The following TSPAN12 variants were observed in gnomAD, a reference collection of about 807,000 sequenced individuals.
The protein encoded by TSPAN12 is tetraspanin 12.
A neutral mutation model predicts 39.2 loss-of-function variants in TSPAN12; 19 were observed. That is an observed-to-expected ratio of 0.49 (90% CI 0.34 to 0.71). The LOEUF (loss-of-function observed/expected upper bound fraction) is 0.71. Ranked by LOEUF, TSPAN12 falls within the 30% of genes least tolerant of loss-of-function variation. TSPAN12 has a pLI of 0.01. For synonymous variants in TSPAN12, 119 were observed against 124.8 expected (o/e 0.95, Z 0.31); for missense variants, 314 against 359.9 (o/e 0.87, Z 1.03).
intron 7 of TSPAN12, among the ~76,000 whole-genome samples, chr7:120,798,018 C>T (rs1053852640): frequency 3.9e-5 from 6 of 152,128 alleles, no homozygotes; most frequent in Admixed American, 3.9e-4. Context: ...ATTATCATGG[C>T]TTTCACATCC....
intron 4 of TSPAN12, among the ~76,000 whole-genome samples, chr7:120,833,414 CAAAA>C (rs1051255423): frequency 7.0e-6 from 1 of 143,772 alleles, no homozygotes; most frequent in African/African-American, 2.5e-5. Context: ...AACAAACAAA[CAAAA>C]AAAAAACAAG....
intron 4 of TSPAN12, among the ~76,000 whole-genome samples, chr7:120,832,977 T>TA (rs1243093481): frequency 5.9e-5 from 9 of 152,164 alleles, no homozygotes; most frequent in African/African-American, 2.2e-4. Context: ...AAATGCCTTA[T>TA]AACAGTACTG....
At chr7:120,816,942 T>C (rs2116392465) in intron 4 of TSPAN12, among the ~76,000 whole-genome samples, 1 of 152,228 alleles carries the variant, frequency 6.6e-6, no homozygotes, top group African/African-American at 2.4e-5. Flanking sequence ...GACAAGGCAT[T>C]AGACTCATTG....
intron 4 of TSPAN12, among the ~76,000 whole-genome samples, chr7:120,836,661 C>T (rs1794482878): frequency 6.6e-6 from 1 of 152,106 alleles, no homozygotes; most frequent in Non-Finnish European, 1.5e-5. Context: ...TGGTGGTATA[C>T]ATGATCAGTA....
chr7:120,802,218 T>G (rs953000156), intron 7 of TSPAN12, among the ~76,000 whole-genome samples: 4 of 152,162 alleles, frequency 2.6e-5, no homozygotes, highest in Non-Finnish European at 5.9e-5. Flanking sequence ...GCATTTAGAG[T>G]GTGGTTACAC....
At chr7:120,800,094 A>C (rs1793736604) in intron 7 of TSPAN12, among the ~76,000 whole-genome samples, 1 of 151,992 alleles carries the variant, frequency 6.6e-6, no homozygotes. Context: ...AGAAAAAATA[A>C]TATTGGTTAT....
rs1323664873 is a variant in TSPAN12, at chr7:120,822,727, T to G, written c.286-6924A>C. ...TAGACCTCCCCCAAACACAGGCCCC[T>G]CTCTCATCCTATGCAGCAGGGTGAC... On this transcript the variant is annotated intron_variant, in intron 4 of 7. Transcript: ENST00000222747. Among the ~76,000 whole-genome samples the G allele has an allele frequency of 2.6e-5, 4 of 152,146 alleles. No individual in the cohort carries two copies. The East Asian group carries it at 7.7e-4, about 29-fold the overall frequency.
intron 4 of TSPAN12, among the ~76,000 whole-genome samples, chr7:120,820,648 G>A (rs1794172125): frequency 6.6e-6 from 1 of 152,108 alleles, no homozygotes; most frequent in South Asian, 2.1e-4. Context: ...ATAAGTCACA[G>A]TGCTCCCTCC....
Position 120,810,497 on chromosome 7 carries a change from C to T in TSPAN12, c.434G>A (p.Trp145Ter), listed in dbSNP as rs2116363345. 6.2e-7 allele frequency: 1 copy of T among 1,613,722 alleles called. No individual in the cohort carries two copies. Among genetic ancestry groups the T allele is most frequent in the South Asian group, 1.1e-5 (1 of 91,072 alleles). ...MTNYGLPRYR[W>*]LTHAWNFFQR... Reference sequence around the variant, plus strand: ...AAAAAAATTCCAAGCATGAGTAAGCCACCGATATCTAGGTAATCCATAATT... The same window carrying T: ...AAAAAAATTCCAAGCATGAGTAAGCTACCGATATCTAGGTAATCCATAATT... Residue 145 changes from tryptophan to a stop codon, truncating the protein, a stop_gained, in exon 6 of 8, where the codon TGG (tryptophan) becomes TAG (stop). Transcript: ENST00000222747. LOFTEE classifies it high-confidence loss of function.
At chr7:120,825,615 A>G (rs746510830) in intron 4 of TSPAN12, among the ~76,000 whole-genome samples, 2 of 152,174 alleles carry the variant, frequency 1.3e-5, no homozygotes, top group Non-Finnish European at 2.9e-5. Flanking sequence ...TTTCTGTGCT[A>G]AGTATCTTTA....
At chr7:120,841,946 C>A (rs908030926) in intron 2 of TSPAN12, among the ~76,000 whole-genome samples, 4 of 152,146 alleles carry the variant, frequency 2.6e-5, no homozygotes, top group African/African-American at 9.7e-5. Context: ...ATATTATTAA[C>A]CCCTAAGTTC....
At chr7:120,853,552 C>A (rs564299945) in intron 2 of TSPAN12, among the ~76,000 whole-genome samples, 1 of 145,290 alleles carries the variant, frequency 6.9e-6, no homozygotes, top group African/African-American at 2.5e-5. Context: ...ATAATATATT[C>A]GTATTTATAC....
chr7:120,817,661 C>T (rs1794110507), intron 4 of TSPAN12, among the ~76,000 whole-genome samples: 1 of 152,112 alleles, frequency 6.6e-6, no homozygotes, highest in South Asian at 2.1e-4. Flanking sequence ...TGTGTCATAC[C>T]TTGCCCAGTT....
chr7:120,807,458 C>A (rs980034225), intron 6 of TSPAN12, among the ~76,000 whole-genome samples: 2 of 152,088 alleles, frequency 1.3e-5, no homozygotes, highest in African/African-American at 4.8e-5. Context: ...AGATTAGATT[C>A]AGAACAATTA....
chr7:120,799,488 A>G (rs1301427283), intron 7 of TSPAN12, among the ~76,000 whole-genome samples: 1 of 129,302 alleles, frequency 7.7e-6, no homozygotes, highest in Admixed American at 8.8e-5. Flanking sequence ...ATAATTATAT[A>G]TAATTATTTT....
At position 120,842,526 on chromosome 7, in the gene TSPAN12, T is replaced by G. The variant is rs1794597983; in HGVS notation, c.67-2417A>C. 2.0e-5 allele frequency among the ~76,000 whole-genome samples: 3 copies of G among 147,232 alleles called. No individual in the cohort carries two copies. The South Asian group carries it at 6.5e-4, about 32-fold the overall frequency. The stretch of plus-strand genomic sequence containing the variant: ...TGAAGGTCTCTCAGATCCTGAGAGG[T>G]AAGAGCTGGGATTCAAATTCAAGCT... On this transcript the variant is annotated intron_variant, in intron 2 of 7. Coordinates refer to ENST00000222747, the MANE Select transcript of TSPAN12 (RefSeq NM_012338.4).
At chr7:120,844,046 G>A (rs780635471) in intron 2 of TSPAN12, among the ~76,000 whole-genome samples, 3 of 152,110 alleles carry the variant, frequency 2.0e-5, no homozygotes, top group Non-Finnish European at 4.4e-5. Flanking sequence ...TTTCAATCAT[G>A]GTGGGAGGGG....
chr7:120,815,835 G>A (rs1361507704), intron 4 of TSPAN12, 32 bp from the exon 5 acceptor site: 1 of 1,583,062 alleles, frequency 6.3e-7, no homozygotes, highest in Non-Finnish European at 8.6e-7. Context: ...TGCTGTTATA[G>A]TATCAGAATA....
chr7:120,806,569 G>C lies in TSPAN12; in HGVS notation c.592C>G (p.Leu198Val). ...CTCACCTCTTGATAAAGGTCACTGA[G>C]ATCTTCCTGGTGGGCCTGTTTGGAA... ...GCSKQAHQED[L>V]SDLYQEGCGK... is the part of the protein sequence containing the mutation. The change falls in exon 7 of 8, where the codon CTC (leucine) becomes GTC (valine). Residue 198 changes from leucine to valine, a missense_variant. Physicochemically the swap from Leu to Val is conservative, Grantham distance 32. Transcript: ENST00000222747. 4 of 1,613,378 alleles carry C rather than the reference G, an allele frequency of 2.5e-6. No homozygotes were observed. The highest frequency in any genetic ancestry group is 3.4e-6 in the Non-Finnish European group (4 of 1,179,524).
Sources: allele counts gnomAD v4.1 joint callset (sites outside exome capture counted in the v4.1 genomes callset), GRCh38; gene constraint gnomAD v4.1.1; transcripts MANE v1.5; gene names NCBI Gene and HGNC (gene_info 2026-07-23, HGNC 2026-07-21).